FABP5: variants seen among roughly 807,000 people sequenced by gnomAD.
FABP5 encodes fatty acid binding protein 5.
In FABP5, 7 loss-of-function variants were observed where a neutral mutation model predicts 16.9. That is an observed-to-expected ratio of 0.41 (90% CI 0.24 to 0.78). FABP5 has a LOEUF of 0.78. Ranked by LOEUF, FABP5 falls within the 30% of genes least tolerant of loss-of-function variation. The pLI is 0.30. For missense variants in FABP5, 119 were observed against 159.5 expected (o/e 0.75, Z 1.37); for synonymous variants, 37 against 52.8 (o/e 0.70, Z 1.30).
At chr8:81,283,021 G>T (rs1807857849) in intron 1 of FABP5, 1 of 187,422 alleles carries the variant, frequency 5.3e-6, no homozygotes, top group South Asian at 1.9e-4. Flanking sequence ...AGCATAGCAT[G>T]GTGGCCAGAG....
chr8:81,281,681 C>G lies in FABP5; in HGVS notation c.79+1007C>G, dbSNP rs1040927318. 2.1e-5 allele frequency: 21 copies of G among 984,712 alleles called. No homozygotes were observed. Among genetic ancestry groups the G allele is most frequent in the Non-Finnish European group, 2.5e-5 (21 of 829,378 alleles). 61.0% of individuals were successfully genotyped at this position (984,712 alleles called of 1,614,324 possible). A position where few individuals can be genotyped will look rare whatever the true frequency, so the allele number is the denominator to read the frequency against. On this transcript the variant is annotated intron_variant, in intron 1 of 3. Transcript: ENST00000297258. This position sits in a 1 kb window ranked among gnomAD's most constrained non-coding sequence, Gnocchi z 4.5. ...GAGAATGAATCTCAGTAGTAAGATT[C>G]ATTTCTCACTCAAAACAGTGCTTCA...
intron 3 of FABP5, 109 bp from the exon 4 acceptor site, chr8:81,284,405 T>A: frequency 2.8e-6 from 2 of 709,782 alleles, no homozygotes; most frequent in Non-Finnish European, 4.9e-6. Flanking sequence ...TCTCCATCTA[T>A]GAAGTAGATT....
At chr8:81,280,829 AGC>A in intron 1 of FABP5, 155 bp downstream of exon 1, 2 of 662,770 alleles carry the variant, frequency 3.0e-6, no homozygotes, top group Non-Finnish European at 2.6e-6. Context: ...CGTTGGGTGC[AGC>A]GCGCGCAGCA....
At chr8:81,283,583 T>C in intron 2 of FABP5, 45 bp downstream of exon 2, 1 of 1,539,064 alleles carries the variant, frequency 6.5e-7, no homozygotes, top group South Asian at 1.2e-5. Flanking sequence ...TCTAGAATGA[T>C]AGGCTGTATC....
At chr8:81,284,225 C>G (rs1586290347) in intron 3 of FABP5, 2 of 539,272 alleles carry the variant, frequency 3.7e-6, no homozygotes, top group Non-Finnish European at 6.5e-6. Context: ...GAAATCTTGG[C>G]AAGCCACCAA....
chr8:81,281,745 G>A lies in FABP5; in HGVS notation c.79+1071G>A. 1 of 892,076 alleles carries A rather than the reference G, an allele frequency of 1.1e-6. No homozygotes were observed. The highest frequency in any genetic ancestry group is 1.3e-6 in the Non-Finnish European group (1 of 744,744). 55.3% of individuals were successfully genotyped at this position (892,076 alleles called of 1,614,324 possible). On this transcript the variant is annotated intron_variant, in intron 1 of 3. Coordinates refer to ENST00000297258, the MANE Select transcript of FABP5 (RefSeq NM_001444.3). This position sits in a 1 kb window ranked among gnomAD's most constrained non-coding sequence, Gnocchi z 4.5. ...TCCTTTTCTATGCCAGTGACAGATTGCATGCTGATTGAGACACTGGATAAA... is the reference window on the plus strand; with the variant it reads ...TCCTTTTCTATGCCAGTGACAGATTACATGCTGATTGAGACACTGGATAAA...
rs199903487 is a variant in FABP5, at chr8:81,280,560, G to C, written c.-36G>C. ...CACAGCACGCTGCCACGCCGACGCA[G>C]ACCCCTCTCTGCACGCCAGCCCGCC... is the stretch of plus-strand genomic sequence containing the variant. On this transcript the variant is annotated 5_prime_UTR_variant, in exon 1 of 4. Transcript: ENST00000297258. The C allele has an allele frequency of 2.8e-5, 43 of 1,545,450 alleles. No homozygotes were observed. The East Asian group carries it at 1.0e-3, about 37-fold the overall frequency.
intron 1 of FABP5, 186 bp from the exon 2 acceptor site, chr8:81,283,180 G>C (rs1396374906): frequency 2.0e-6 from 1 of 496,388 alleles, no homozygotes; most frequent in Non-Finnish European, 3.6e-6. Context: ...GCTGTTGTAA[G>C]GCTTACCTGA....
At position 81,283,475 on chromosome 8, in the gene FABP5, A is replaced by G; in HGVS notation, c.189A>G (p.Thr63=). The change falls in exon 2 of 4, where the codon ACA becomes ACG. Residue 63 remains threonine, a synonymous_variant. Transcript: ENST00000297258. The stretch of plus-strand genomic sequence containing the variant: ...AAACTGAGAGCACTTTGAAAACAAC[A>G]CAGTTTTCTTGTACCCTGGGAGAGA... ...TIKTESTLKT[T]QFSCTLGEKF... is the part of the protein sequence containing the mutation. 6.2e-7 allele frequency: 1 copy of G among 1,613,046 alleles called. No individual in the cohort carries two copies. Among genetic ancestry groups the G allele is most frequent in the South Asian group, 1.1e-5 (1 of 90,810 alleles).
At chr8:81,282,608 G>A (rs1807849352) in intron 1 of FABP5, among the ~76,000 whole-genome samples, 2 of 151,878 alleles carry the variant, frequency 1.3e-5, no homozygotes, top group Admixed American at 1.3e-4. Flanking sequence ...TAACGTTGAG[G>A]GGAAATTGAT....
At chr8:81,280,764 C>A in intron 1 of FABP5, 90 bp downstream of exon 1, 2 of 1,240,318 alleles carry the variant, frequency 1.6e-6, no homozygotes, top group South Asian at 2.7e-5. Flanking sequence ...GATTCTGGGG[C>A]AGGAGATGCT....
Position 81,280,542 on chromosome 8 carries a change from C to T in FABP5, c.-54C>T. Reference sequence around the variant, plus strand: ...CGCCGGCGCCGGGTGCCTCACAGCACGCTGCCACGCCGACGCAGACCCCTC... The same window carrying T: ...CGCCGGCGCCGGGTGCCTCACAGCATGCTGCCACGCCGACGCAGACCCCTC... On this transcript the variant is annotated 5_prime_UTR_variant, in exon 1 of 4. It adds an upstream start codon to the 5' untranslated region. Transcript: ENST00000297258. 2 of 1,533,902 alleles carry T rather than the reference C, an allele frequency of 1.3e-6. No individual in the cohort carries two copies. The highest frequency in any genetic ancestry group is 2.0e-5 in the Admixed American group (1 of 50,222).
At chr8:81,284,346 A>G in intron 3 of FABP5, 168 bp from the exon 4 acceptor site, 1 of 571,560 alleles carries the variant, frequency 1.7e-6, no homozygotes, top group Non-Finnish European at 3.1e-6. Flanking sequence ...TTATAAGCAA[A>G]ACAACAGCTT....
rs1807806195 is a variant in FABP5 at position 81,280,554 on chromosome 8, G to A, written c.-42G>A. 1 of 1,539,846 alleles carries A rather than the reference G, an allele frequency of 6.5e-7. No individual in the cohort carries two copies. Among genetic ancestry groups the A allele is most frequent in the Non-Finnish European group, 8.8e-7 (1 of 1,140,870 alleles). ...GTGCCTCACAGCACGCTGCCACGCC[G>A]ACGCAGACCCCTCTCTGCACGCCAG... On this transcript the variant is annotated 5_prime_UTR_variant, in exon 1 of 4. Coordinates refer to ENST00000297258, the MANE Select transcript of FABP5 (RefSeq NM_001444.3).
chr8:81,283,317 A>T, intron 1 of FABP5, 49 bp from the exon 2 acceptor site: 1 of 1,435,944 alleles, frequency 7.0e-7, no homozygotes, highest in Non-Finnish European at 9.5e-7. Context: ...TATCATGTAA[A>T]TGATAACTTT....
intron 3 of FABP5, 186 bp from the exon 4 acceptor site, chr8:81,284,328 C>T: frequency 1.8e-6 from 1 of 553,962 alleles, no homozygotes; most frequent in Non-Finnish European, 3.2e-6. Context: ...TTCTGTAAAA[C>T]ATGCATATTA....
Position 81,280,552 on chromosome 8 carries a change from C to T in FABP5, c.-44C>T, listed in dbSNP as rs1476695640. The stretch of plus-strand genomic sequence containing the variant: ...GGGTGCCTCACAGCACGCTGCCACG[C>T]CGACGCAGACCCCTCTCTGCACGCC... On this transcript the variant is annotated 5_prime_UTR_variant, in exon 1 of 4. Transcript: ENST00000297258. 3.2e-6 allele frequency: 5 copies of T among 1,540,852 alleles called. No individual in the cohort carries two copies. The highest frequency in any genetic ancestry group is 4.4e-6 in the Non-Finnish European group (5 of 1,141,672).
chr8:81,283,253 A>C, intron 1 of FABP5, 113 bp from the exon 2 acceptor site: 1 of 882,938 alleles, frequency 1.1e-6, no homozygotes, highest in Non-Finnish European at 1.7e-6. Flanking sequence ...GTTATCAATA[A>C]GCAAATAAGT....
chr8:81,284,329 A>C (rs911483450), intron 3 of FABP5, 185 bp from the exon 4 acceptor site: 11 of 558,060 alleles, frequency 2.0e-5, no homozygotes, highest in Non-Finnish European at 3.5e-5. Context: ...TCTGTAAAAC[A>C]TGCATATTAT....
Sources: allele counts gnomAD v4.1 joint callset (sites outside exome capture counted in the v4.1 genomes callset), GRCh38; gene constraint gnomAD v4.1.1; non-coding constraint Gnocchi (gnomAD v3.1); transcripts MANE v1.5; gene names NCBI Gene and HGNC (gene_info 2026-07-23, HGNC 2026-07-21).